Variants in LIMA1 observed in about 807,000 individuals in gnomAD.
The protein encoded by LIMA1 is LIM domain and actin binding 1, also known as LIM domain and actin-binding protein 1.
LIMA1 carries 52 observed loss-of-function variants against 62.6 expected under a neutral mutation model. The observed-to-expected ratio is 0.83, with a 90% confidence interval of 0.67 to 1.05. The LOEUF is 1.05. LIMA1 is among the 50% of genes least tolerant of loss of function. The pLI, the probability that LIMA1 is intolerant of heterozygous loss-of-function variation, is 0.00. For synonymous variants in LIMA1, 302 were observed against 317.8 expected (o/e 0.95, Z 0.53); for missense variants, 780 against 902.2 (o/e 0.86, Z 1.74).
intron 9 of LIMA1, 90 bp from the exon 10 acceptor site, chr12:50,182,127 C>A (rs913976828): frequency 7.9e-6 from 11 of 1,395,140 alleles, no homozygotes; most frequent in Non-Finnish European, 1.1e-5. Context: ...TGTCTAAGGG[C>A]TCCCTTAGCT....
At chr12:50,263,476 T>C (rs775717470) in intron 1 of LIMA1, among the ~76,000 whole-genome samples, 6 of 152,134 alleles carry the variant, frequency 3.9e-5, no homozygotes, top group Non-Finnish European at 8.8e-5. Flanking sequence ...CATGTTTGTT[T>C]TGATGAAAAA....
At chr12:50,190,355 G>A (rs1022557060) in intron 9 of LIMA1, 3 of 149,706 alleles carry the variant, frequency 2.0e-5, no homozygotes, top group Admixed American at 6.7e-5. Context: ...TATAAGTGTT[G>A]CTTGAATGTC....
chr12:50,275,168 C>A (rs541610654), intron 1 of LIMA1, among the ~76,000 whole-genome samples: 2 of 151,924 alleles, frequency 1.3e-5, no homozygotes, highest in South Asian at 2.1e-4. Flanking sequence ...ACCAGCCTGG[C>A]CAACATGGTG....
intron 1 of LIMA1, among the ~76,000 whole-genome samples, chr12:50,261,105 G>T (rs1565862058): frequency 7.5e-6 from 1 of 133,878 alleles, no homozygotes; most frequent in South Asian, 2.5e-4. Flanking sequence ...CAGGCTGGAG[G>T]GCAGTGGCGT....
At chr12:50,280,944 A>T (rs1005248296) in intron 1 of LIMA1, among the ~76,000 whole-genome samples, 2 of 152,188 alleles carry the variant, frequency 1.3e-5, no homozygotes, top group African/African-American at 4.8e-5. Flanking sequence ...TTTCTAATGG[A>T]AATTACTAAC....
At chr12:50,233,152 A>C (rs915165187) in intron 2 of LIMA1, among the ~76,000 whole-genome samples, 1 of 152,220 alleles carries the variant, frequency 6.6e-6, no homozygotes, top group African/African-American at 2.4e-5. Context: ...TCAAATGCTG[A>C]AACAATTGGA....
At chr12:50,217,900 C>CT in intron 4 of LIMA1, 1 of 151,346 alleles carries the variant, frequency 6.6e-6, no homozygotes, top group Non-Finnish European at 1.4e-5. Context: ...TGATGAATTT[C>CT]TTTTCTTTTT....
At chr12:50,184,992 C>A (rs941456305) in intron 9 of LIMA1, among the ~76,000 whole-genome samples, 2 of 152,130 alleles carry the variant, frequency 1.3e-5, no homozygotes, top group Middle Eastern at 3.4e-3. Flanking sequence ...CCACCACACT[C>A]GGCTAATTTT....
At position 50,225,536 on chromosome 12, in the gene LIMA1, C is replaced by T. The variant is rs142270347; in HGVS notation, c.166-3051G>A. Among the ~76,000 whole-genome samples, 4 of 152,226 alleles carry T rather than the reference C, an allele frequency of 2.6e-5. No individual in the cohort carries two copies. In the East Asian group the frequency reaches 7.7e-4, roughly 29 times the overall value. ...AATGTGCTTTTGATATCTTTTCATG[C>T]CCATACATGAAATCTTCAATCTTTT... is the stretch of plus-strand genomic sequence containing the variant. On this transcript the variant is annotated intron_variant, in intron 3 of 10. Transcript: ENST00000341247.
At chr12:50,197,811 CT>C (rs35654401) in intron 7 of LIMA1, among the ~76,000 whole-genome samples, 65 of 147,556 alleles carry the variant, frequency 4.4e-4, no homozygotes, top group Non-Finnish European at 3.3e-4. Context: ...TTCTTTCTTT[CT>C]TTTTTTTTTT....
chr12:50,223,999 C>T (rs1941490024), intron 3 of LIMA1, among the ~76,000 whole-genome samples: 1 of 151,832 alleles, frequency 6.6e-6, no homozygotes, highest in Admixed American at 6.6e-5. Flanking sequence ...AATCGCGCCA[C>T]TGCACTCCAG....
intron 7 of LIMA1, 39 bp from the exon 8 acceptor site, chr12:50,195,926 TAA>T: frequency 6.6e-7 from 1 of 1,511,204 alleles, no homozygotes; most frequent in South Asian, 1.3e-5. Context: ...AGAGGGGGAT[TAA>T]GAGTCATATT....
At chr12:50,179,586 C>T (rs983467447) in intron 10 of LIMA1, among the ~76,000 whole-genome samples, 2 of 149,580 alleles carry the variant, frequency 1.3e-5, no homozygotes, top group Non-Finnish European at 3.0e-5. Context: ...TACAGGCACT[C>T]GCCACCACAC....
intron 1 of LIMA1, among the ~76,000 whole-genome samples, chr12:50,282,151 A>T (rs1000386090): frequency 2.6e-5 from 4 of 152,110 alleles, no homozygotes; most frequent in African/African-American, 9.7e-5. Flanking sequence ...TTTTTTGAAG[A>T]TCTATCTAAA....
At chr12:50,271,077 G>A (rs890010399) in intron 1 of LIMA1, among the ~76,000 whole-genome samples, 1 of 152,040 alleles carries the variant, frequency 6.6e-6, no homozygotes, top group African/African-American at 2.4e-5. Flanking sequence ...GGGCGACAGA[G>A]CGAGACTCCG....
At chr12:50,261,178 G>A (rs375379931) in intron 1 of LIMA1, among the ~76,000 whole-genome samples, 3 of 147,200 alleles carry the variant, frequency 2.0e-5, no homozygotes, top group Admixed American at 7.0e-5. Flanking sequence ...TTAGCCTCCC[G>A]AGTAGCTGGG....
intron 4 of LIMA1, among the ~76,000 whole-genome samples, chr12:50,211,416 G>A (rs926101489): frequency 6.6e-6 from 1 of 151,234 alleles, no homozygotes; most frequent in Non-Finnish European, 1.5e-5. Context: ...GCAGAGGCAG[G>A]AGGGTTGCTT....
At chr12:50,236,717 C>T (rs113593727) in intron 2 of LIMA1, among the ~76,000 whole-genome samples, 4 of 152,202 alleles carry the variant, frequency 2.6e-5, no homozygotes, top group African/African-American at 4.8e-5. Flanking sequence ...CTATTAAAGA[C>T]TCTCTGCTCC....
chr12:50,177,492 T>G lies in LIMA1; in HGVS notation c.1852A>C (p.Met618Leu), dbSNP rs111446133. 3 of 1,613,354 alleles carry G rather than the reference T, an allele frequency of 1.9e-6. No individual in the cohort carries two copies. The highest frequency in any genetic ancestry group is 8.5e-7 in the Non-Finnish European group (1 of 1,179,714). The change falls in exon 11 of 11, where the codon ATG becomes CTG. Residue 618 changes from methionine (M) to leucine (L), a missense_variant. Met to Leu is a conservative substitution (Grantham distance 15, BLOSUM62 2). Coordinates refer to ENST00000341247, the MANE Select transcript of LIMA1 (RefSeq NM_016357.5). ...ACAGACTCTTCACTCTGCTCTGACA[T>G]GCTCCAGCCTTTCCTGATAGGTGGG... ...VSPPIRKGWS[M>L]SEQSEESVGG...
Sources: gnomAD v4.1 joint callset for allele counts (sites outside exome capture counted in the v4.1 genomes callset) on GRCh38, gnomAD v4.1.1 for gene constraint, MANE v1.5 for transcripts, NCBI Gene and HGNC (gene_info 2026-07-23, HGNC 2026-07-21) for gene names.